WIPF3: variants seen among roughly 807,000 people sequenced by gnomAD.
WIPF3 encodes the protein WAS/WASL interacting protein family member 3.
In WIPF3, 33 loss-of-function variants were observed where a neutral mutation model predicts 38.9. That is an observed-to-expected ratio of 0.85 (90% CI 0.64 to 1.14). The LOEUF is 1.14. Ranked by LOEUF, WIPF3 falls within the 50% of genes most tolerant of loss-of-function variation. The pLI, the probability that WIPF3 is intolerant of heterozygous loss-of-function variation, is 0.00. For synonymous variants in WIPF3, 324 were observed against 269.3 expected (o/e 1.20, Z -1.99); for missense variants, 711 against 652.5 (o/e 1.09, Z -0.98).
intron 2 of WIPF3, among the ~76,000 whole-genome samples, chr7:29,846,406 A>G (rs1481726868): frequency 6.6e-6 from 1 of 152,232 alleles, no homozygotes; most frequent in Non-Finnish European, 1.5e-5. Context: ...TAGAGTATTT[A>G]AAACACAATG....
intron 1 of WIPF3, among the ~76,000 whole-genome samples, chr7:29,821,659 T>G (rs1433901234): frequency 6.6e-6 from 1 of 152,366 alleles, no homozygotes; most frequent in East Asian, 1.9e-4. Context: ...CTTGATATTA[T>G]GTGTTTGAAT....
In WIPF3 at chr7:29,914,538, C is replaced by T. The variant is rs1786568835; in HGVS notation, c.*22C>T. 1 of 1,504,894 alleles carries T rather than the reference C, an allele frequency of 6.6e-7. No homozygotes were observed. Among genetic ancestry groups the T allele is most frequent in the Non-Finnish European group, 8.9e-7 (1 of 1,124,174 alleles). 93.2% of individuals were successfully genotyped at this position (1,504,894 alleles called of 1,614,324 possible). On this transcript the variant is annotated 3_prime_UTR_variant, in exon 9 of 9. Coordinates refer to ENST00000242140, the MANE Select transcript of WIPF3 (RefSeq NM_001080529.3). ...GTGAGAAGACAGATGAAGCGAAGGTCCTGGGGTTCCAGGTTGCAGAACAAC... is the reference window on the plus strand; with the variant it reads ...GTGAGAAGACAGATGAAGCGAAGGTTCTGGGGTTCCAGGTTGCAGAACAAC...
Position 29,823,270 on chromosome 7 carries a change from AT to A in WIPF3, c.-57-11388del, listed in dbSNP as rs899562724. Among the ~76,000 whole-genome samples the A allele has an allele frequency of 1.0e-4, 15 of 148,192 alleles. No individual in the cohort carries two copies. The highest frequency in any genetic ancestry group is 3.9e-4 in the East Asian group (2 of 5,102). ...TGTAAGCTTTGAGAACCCAACATTCATTTTTTTTTTAGATGGAGTGTCACTC... is the reference window on the plus strand; with the variant it reads ...TGTAAGCTTTGAGAACCCAACATTCATTTTTTTTTAGATGGAGTGTCACTC... On this transcript the variant is annotated intron_variant, in intron 1 of 8. Transcript: ENST00000242140. This position sits in a 1 kb window ranked among gnomAD's most constrained non-coding sequence, Gnocchi z 4.0.
At chr7:29,877,203 A>G (rs911514639) in intron 3 of WIPF3, among the ~76,000 whole-genome samples, 9 of 152,262 alleles carry the variant, frequency 5.9e-5, no homozygotes, top group African/African-American at 2.2e-4. Context: ...TTACAAAATC[A>G]GAGAGAGGCT....
rs367890109 is a variant in WIPF3, at chr7:29,823,654, C to T, written c.-57-11014C>T. Reference sequence around the variant, plus strand: ...TTGTATCCCTGCCCAAATCTCATGTCGAACTGTAATCCCCAATGTTGGAGG... The same window carrying T: ...TTGTATCCCTGCCCAAATCTCATGTTGAACTGTAATCCCCAATGTTGGAGG... On this transcript the variant is annotated intron_variant, in intron 1 of 8. Coordinates refer to ENST00000242140, the MANE Select transcript of WIPF3 (RefSeq NM_001080529.3). This position sits in a 1 kb window ranked among gnomAD's most constrained non-coding sequence, Gnocchi z 4.0. 3.9e-5 allele frequency among the ~76,000 whole-genome samples: 6 copies of T among 152,288 alleles called. No individual in the cohort carries two copies. The highest frequency in any genetic ancestry group is 3.9e-4 in the East Asian group (2 of 5,184).
At chr7:29,819,234 C>A (rs2128062442) in intron 1 of WIPF3, among the ~76,000 whole-genome samples, 1 of 152,088 alleles carries the variant, frequency 6.6e-6, no homozygotes, top group Non-Finnish European at 1.5e-5. Context: ...TTGTCTTGGT[C>A]ACTTGATTAA....
intron 7 of WIPF3, among the ~76,000 whole-genome samples, chr7:29,901,825 C>CAAAAAAAA (rs869296187): frequency 2.8e-4 from 23 of 82,538 alleles, no homozygotes; most frequent in Non-Finnish European, 4.1e-4. Flanking sequence ...GTCCCTGTCT[C>CAAAAAAAA]AAAAAAAAAA....
chr7:29,838,321 A>G (rs1216145726), intron 2 of WIPF3, among the ~76,000 whole-genome samples: 1 of 152,212 alleles, frequency 6.6e-6, no homozygotes, highest in Non-Finnish European at 1.5e-5. Context: ...ACAATTTGTC[A>G]GTAAAAAATG....
chr7:29,839,427 A>C lies in WIPF3; in HGVS notation c.90+4613A>C, dbSNP rs577362142. ...TCACCCACAGATGCTTCTTACTGCA[A>C]AGGGGAAAGTGTCTCTTTAAAATGG... is the stretch of plus-strand genomic sequence containing the variant. On this transcript the variant is annotated intron_variant, in intron 2 of 8. Transcript: ENST00000242140. 1.1e-4 allele frequency among the ~76,000 whole-genome samples: 17 copies of C among 152,322 alleles called. 1 individual carries two copies. Among genetic ancestry groups the C allele is most frequent in the Admixed American group, 7.2e-4 (11 of 15,294 alleles).
chr7:29,878,586 T>A lies in WIPF3; in HGVS notation c.224-423T>A, dbSNP rs1185052585. Among the ~76,000 whole-genome samples the A allele has an allele frequency of 1.3e-5, 2 of 152,230 alleles. No individual in the cohort carries two copies. Among genetic ancestry groups the A allele is most frequent in the African/African-American group, 4.8e-5 (2 of 41,456 alleles). The stretch of plus-strand genomic sequence containing the variant: ...GCGCTCTGTGGACAAGAAGTTAAAA[T>A]GACTGACTGAATTAAATCTGTGGGT... On this transcript the variant is annotated intron_variant, in intron 3 of 8. Coordinates refer to ENST00000242140, the MANE Select transcript of WIPF3 (RefSeq NM_001080529.3). This position sits in a 1 kb window ranked among gnomAD's most constrained non-coding sequence, Gnocchi z 4.0.
chr7:29,899,146 T>C (rs1302876892), intron 7 of WIPF3, among the ~76,000 whole-genome samples: 1 of 152,182 alleles, frequency 6.6e-6, no homozygotes, highest in Non-Finnish European at 1.5e-5. Flanking sequence ...ATAAGGGCAC[T>C]AATCCCATCA....
intron 2 of WIPF3, among the ~76,000 whole-genome samples, chr7:29,874,343 G>A (rs182819773): frequency 6.9e-4 from 105 of 152,062 alleles, no homozygotes; most frequent in Admixed American, 1.2e-3. Flanking sequence ...TTCCTGATGT[G>A]GAGTCCTTGG....
intron 1 of WIPF3, among the ~76,000 whole-genome samples, chr7:29,833,420 A>C (rs1444316346): frequency 2.0e-5 from 3 of 152,248 alleles, no homozygotes; most frequent in Non-Finnish European, 4.4e-5. Flanking sequence ...AATGTCTCTG[A>C]ACATCCTTTT....
chr7:29,809,479 G>A (rs191143586), intron 1 of WIPF3, among the ~76,000 whole-genome samples: 4 of 152,322 alleles, frequency 2.6e-5, no homozygotes, highest in Non-Finnish European at 4.4e-5. Context: ...TGACTTTGCC[G>A]ACAGCATGAC....
intron 1 of WIPF3, among the ~76,000 whole-genome samples, chr7:29,826,999 T>C (rs546981783): frequency 1.3e-5 from 2 of 152,290 alleles, no homozygotes; most frequent in East Asian, 1.9e-4. Context: ...ATCTATCTCA[T>C]TGGGGTGTCA....
intron 1 of WIPF3, among the ~76,000 whole-genome samples, chr7:29,810,864 T>C (rs898774740): frequency 6.6e-6 from 1 of 152,150 alleles, no homozygotes; most frequent in Non-Finnish European, 1.5e-5. Flanking sequence ...ATTTATCTCA[T>C]GTTTAAGGCT....
chr7:29,812,401 T>G (rs1784394090), intron 1 of WIPF3, among the ~76,000 whole-genome samples: 9 of 152,202 alleles, frequency 5.9e-5, no homozygotes, highest in Admixed American at 5.9e-4. Flanking sequence ...TCCATCCATC[T>G]TCCTGCTTCA....
At chr7:29,885,538 G>A (rs190696354) in intron 5 of WIPF3, among the ~76,000 whole-genome samples, 20 of 152,268 alleles carry the variant, frequency 1.3e-4, no homozygotes, top group Admixed American at 2.0e-4. Context: ...GGCCAGGTAC[G>A]GATGGCTCAC....
Position 29,844,384 on chromosome 7 carries a change from A to G in WIPF3, c.90+9570A>G, listed in dbSNP as rs1784966206. Among the ~76,000 whole-genome samples the G allele has an allele frequency of 6.6e-6, 1 of 152,232 alleles. No homozygotes were observed. The highest frequency in any genetic ancestry group is 2.4e-5 in the African/African-American group (1 of 41,466). The stretch of plus-strand genomic sequence containing the variant: ...CTTCATAATAACAGGCATCTACTAA[A>G]TAGCTATTGTGCCCCCAAGTACTGT... On this transcript the variant is annotated intron_variant, in intron 2 of 8. Coordinates refer to ENST00000242140, the MANE Select transcript of WIPF3 (RefSeq NM_001080529.3). This position sits in a 1 kb window ranked among gnomAD's most constrained non-coding sequence, Gnocchi z 4.8.
Sources: gnomAD v4.1 joint callset for allele counts (sites outside exome capture counted in the v4.1 genomes callset) on GRCh38, gnomAD v4.1.1 for gene constraint, Gnocchi (gnomAD v3.1) non-coding constraint, MANE v1.5 for transcripts, NCBI Gene and HGNC (gene_info 2026-07-23, HGNC 2026-07-21) for gene names.